Variants in NEDD9 observed in about 807,000 individuals in gnomAD.
NEDD9 encodes neural precursor cell expressed, developmentally down-regulated 9.
In NEDD9, 26 loss-of-function variants were observed where a neutral mutation model predicts 76.6. The observed-to-expected ratio is 0.34, with a 90% CI of 0.25 to 0.47. The LOEUF (loss-of-function observed/expected upper bound fraction) is 0.47, where lower values mean the gene tolerates loss of function less well. Among genes scored for constraint, NEDD9 ranks in the 20% least tolerant of loss-of-function variants. The pLI, the probability that NEDD9 is intolerant of heterozygous loss-of-function variation, is 1.00. For synonymous variants in NEDD9, 392 were observed against 414.2 expected (o/e 0.95, Z 0.65); for missense variants, 937 against 1,058.5 (o/e 0.89, Z 1.59).
intron 2 of NEDD9, among the ~76,000 whole-genome samples, chr6:11,206,488 G>A (rs982919378): frequency 1.3e-5 from 2 of 152,110 alleles, no homozygotes; most frequent in African/African-American, 4.8e-5. Context: ...AATTTATTCT[G>A]TTTTCTCTCT....
chr6:11,235,757 G>A (rs115892770), upstream of NEDD9, among the ~76,000 whole-genome samples: 1,404 of 152,280 alleles, frequency 9.2e-3, 23 homozygotes, highest in African/African-American at 0.032. This position sits in a 1 kb window ranked among gnomAD's most constrained non-coding sequence, Gnocchi z 4.1. Context: ...GGAAGGGCCC[G>A]CAGTAGGCAC....
intron 2 of NEDD9, among the ~76,000 whole-genome samples, chr6:11,314,229 G>A (rs990714250): frequency 3.9e-5 from 6 of 152,190 alleles, no homozygotes; most frequent in African/African-American, 1.2e-4. Flanking sequence ...GATCCTTGTG[G>A]ATTATAACTG....
At chr6:11,200,706 T>A (rs1039178725) in intron 2 of NEDD9, 4 of 1,307,174 alleles carry the variant, frequency 3.1e-6, no homozygotes, top group Admixed American at 3.4e-5. Context: ...GCAGTGAGAA[T>A]TTCAAACCAA....
chr6:11,307,428 G>A (rs1761219606), intron 2 of NEDD9, among the ~76,000 whole-genome samples: 1 of 152,200 alleles, frequency 6.6e-6, no homozygotes, highest in Admixed American at 6.5e-5. Flanking sequence ...CTGAACCCAT[G>A]TGTGGTTACC....
chr6:11,307,799 A>G (rs1761233033), intron 2 of NEDD9, among the ~76,000 whole-genome samples: 1 of 152,152 alleles, frequency 6.6e-6, no homozygotes, highest in South Asian at 2.1e-4. Flanking sequence ...GAAGCTTTCC[A>G]AGAGCCCTTT....
chr6:11,361,004 A>C (rs936164448), intron 1 of NEDD9, among the ~76,000 whole-genome samples: 1 of 152,262 alleles, frequency 6.6e-6, no homozygotes, highest in Admixed American at 6.5e-5. Context: ...CTGTGAGCGT[A>C]CATGTGTGTG....
intron 1 of NEDD9, among the ~76,000 whole-genome samples, chr6:11,338,914 CTG>C (rs1338636055): frequency 4.4e-5 from 6 of 136,558 alleles, no homozygotes; most frequent in African/African-American, 1.8e-4. Context: ...GAGCGAGACT[CTG>C]TCTCAAAAAA....
chr6:11,204,380 C>T (rs2113742030), intron 2 of NEDD9, among the ~76,000 whole-genome samples: 1 of 152,296 alleles, frequency 6.6e-6, no homozygotes, highest in South Asian at 2.1e-4. Context: ...GGTGCCCCCA[C>T]CTGGTTAAAT....
At chr6:11,305,240 G>T in intron 3 of NEDD9, 2 of 811,780 alleles carry the variant, frequency 2.5e-6, no homozygotes, top group Non-Finnish European at 3.5e-6. Flanking sequence ...GTTACTCTAT[G>T]TGCATTTTCT....
At chr6:11,371,940 T>C (rs1762883868) in intron 1 of NEDD9, among the ~76,000 whole-genome samples, 3 of 152,220 alleles carry the variant, frequency 2.0e-5, no homozygotes, top group South Asian at 2.1e-4. Flanking sequence ...TCAGGGTACA[T>C]GGGGTCTCCA....
At chr6:11,275,414 TA>T (rs934368797) in intron 3 of NEDD9, among the ~76,000 whole-genome samples, 10 of 152,152 alleles carry the variant, frequency 6.6e-5, no homozygotes, top group African/African-American at 9.7e-5. Context: ...ATTTTTACCC[TA>T]AAAAAATGAT....
At chr6:11,249,217 A>G (rs771646613) in intron 3 of NEDD9, 24 of 455,418 alleles carry the variant, frequency 5.3e-5, no homozygotes, top group South Asian at 3.6e-4. Context: ...TTGAAGGCCT[A>G]AATAAAACAA....
chr6:11,260,597 T>C (rs1431504362), intron 3 of NEDD9, among the ~76,000 whole-genome samples: 1 of 152,216 alleles, frequency 6.6e-6, no homozygotes, highest in Non-Finnish European at 1.5e-5. Flanking sequence ...TCCCACCCGT[T>C]GTCACTCCAG....
At chr6:11,374,356 A>G (rs1189565499) in intron 1 of NEDD9, among the ~76,000 whole-genome samples, 1 of 152,210 alleles carries the variant, frequency 6.6e-6, no homozygotes, top group Non-Finnish European at 1.5e-5. Context: ...TGCATGAGGA[A>G]CAGGTGCTGA....
rs1307551190 is a variant in NEDD9, at chr6:11,241,007, A to G, written c.13-27280T>C. 2.6e-5 allele frequency among the ~76,000 whole-genome samples: 4 copies of G among 152,212 alleles called. No homozygotes were observed. The South Asian group carries it at 6.2e-4, about 24-fold the overall frequency. ...TAGCCGTGAGGTGTTCTGTTATTAC[A>G]TGCTTTAGTTTGTCCAAATAAACAA... On this transcript the variant is annotated intron_variant, in intron 3 of 3. Transcript: ENST00000397378. This position sits in a 1 kb window ranked among gnomAD's most constrained non-coding sequence, Gnocchi z 4.0.
chr6:11,329,973 G>T (rs971364210), intron 2 of NEDD9, among the ~76,000 whole-genome samples: 3 of 152,204 alleles, frequency 2.0e-5, no homozygotes, highest in Non-Finnish European at 4.4e-5. Context: ...ATCCAATGGG[G>T]AGCTTCCTGT....
chr6:11,324,542 G>A (rs868665978), intron 2 of NEDD9, among the ~76,000 whole-genome samples: 8 of 152,126 alleles, frequency 5.3e-5, no homozygotes, highest in South Asian at 4.1e-4. Flanking sequence ...CATGCTCTGC[G>A]GCCACCGTAT....
intron 3 of NEDD9, among the ~76,000 whole-genome samples, chr6:11,243,347 G>A (rs1390607580): frequency 6.6e-6 from 1 of 152,154 alleles, no homozygotes; most frequent in African/African-American, 2.4e-5. Flanking sequence ...TGATGATGAT[G>A]ATCATGATGA....
chr6:11,190,625 C>T lies in NEDD9; in HGVS notation c.1244G>A (p.Arg415Gln), dbSNP rs149581349. ...ACCCATCTCAAGGGCCTGCTGGAGC[C>T]GCTGAAGTCTCTCAATAGCTGTGTC... Reference protein sequence around the residue: ...DPDTAIERLQRLQQALEMGVS... With the variant: ...DPDTAIERLQQLQQALEMGVS... Residue 415 changes from arginine (R) to glutamine (Q), a missense_variant, in exon 5 of 7, where the codon CGG becomes CAG. Physicochemically the swap from Arg to Gln is conservative, Grantham distance 43. Coordinates refer to ENST00000379446, the MANE Select transcript of NEDD9 (RefSeq NM_006403.4). The surrounding 1 kb of genome is among the most constrained non-coding windows in gnomAD (Gnocchi z 5.8). The T allele has an allele frequency of 8.7e-6, 14 of 1,614,056 alleles. No homozygotes were observed. Among genetic ancestry groups the T allele is most frequent in the African/African-American group, 4.0e-5 (3 of 74,910 alleles).
Sources: allele counts gnomAD v4.1 joint callset (sites outside exome capture counted in the v4.1 genomes callset), GRCh38; gene constraint gnomAD v4.1.1; non-coding constraint Gnocchi (gnomAD v3.1); transcripts MANE v1.5; gene names NCBI Gene and HGNC (gene_info 2026-07-23, HGNC 2026-07-21).